DAB1: variants seen among roughly 807,000 people sequenced by gnomAD.
DAB1 encodes the protein DAB adaptor protein 1.
Under a neutral mutation model 64.6 loss-of-function variants are expected in DAB1, and 15 were observed. The observed-to-expected ratio is 0.23, with a 90% CI of 0.16 to 0.36. The LOEUF (loss-of-function observed/expected upper bound fraction) is 0.36. Among genes scored for constraint, DAB1 ranks in the 10% least tolerant of loss-of-function variants. The pLI, the probability that DAB1 is intolerant of heterozygous loss-of-function variation, is 1.00. For missense variants in DAB1, 596 were observed against 706.7 expected (o/e 0.84, Z 1.78); for synonymous variants, 235 against 251.9 (o/e 0.93, Z 0.64).
At chr1:57,541,680 G>A (rs1644805069) in intron 7 of DAB1, among the ~76,000 whole-genome samples, 1 of 152,118 alleles carries the variant, frequency 6.6e-6, no homozygotes, top group Non-Finnish European at 1.5e-5. Flanking sequence ...GACAAGATGA[G>A]GTGATATTTG....
intron 3 of DAB1, among the ~76,000 whole-genome samples, chr1:58,369,083 TG>T (rs1644241608): frequency 6.6e-6 from 1 of 152,174 alleles, no homozygotes; most frequent in African/African-American, 2.4e-5. Context: ...CCTTGCACCT[TG>T]GGTAAAATAA....
At chr1:58,157,224 T>G (rs1189794203) in intron 4 of DAB1, among the ~76,000 whole-genome samples, 1 of 152,198 alleles carries the variant, frequency 6.6e-6, no homozygotes, top group Non-Finnish European at 1.5e-5. Flanking sequence ...TAATCCATAA[T>G]GCAATCTTCA....
intron 7 of DAB1, among the ~76,000 whole-genome samples, chr1:57,583,883 G>A: frequency 6.6e-6 from 1 of 152,196 alleles, no homozygotes; most frequent in Non-Finnish European, 1.5e-5. Context: ...TAGGGGTGAA[G>A]AAGTGGGGCT....
intron 7 of DAB1, among the ~76,000 whole-genome samples, chr1:57,488,401 C>CAAAA (rs11455708): frequency 1.3e-5 from 1 of 74,112 alleles, no homozygotes; most frequent in Non-Finnish European, 2.4e-5. Flanking sequence ...GATTCCGTCT[C>CAAAA]AAAAAAAAAA....
At chr1:57,402,596 T>C (rs1056204791) in intron 1 of DAB1, among the ~76,000 whole-genome samples, 2 of 152,186 alleles carry the variant, frequency 1.3e-5, no homozygotes, top group Admixed American at 1.3e-4. Flanking sequence ...CCATCAGCTT[T>C]GATTCAGATT....
chr1:58,182,838 G>T (rs541447835), intron 4 of DAB1, among the ~76,000 whole-genome samples: 1 of 151,862 alleles, frequency 6.6e-6, no homozygotes, highest in African/African-American at 2.4e-5. Flanking sequence ...CTGAGTATGG[G>T]TCATATTTTC....
At chr1:58,359,121 T>A (rs1644139682) in intron 3 of DAB1, among the ~76,000 whole-genome samples, 1 of 152,066 alleles carries the variant, frequency 6.6e-6, no homozygotes, top group East Asian at 1.9e-4. Flanking sequence ...GCACTTTTAA[T>A]AACATGAATG....
At chr1:57,605,355 C>G (rs1385731200) in intron 7 of DAB1, among the ~76,000 whole-genome samples, 1 of 152,132 alleles carries the variant, frequency 6.6e-6, no homozygotes, top group Non-Finnish European at 1.5e-5. Flanking sequence ...AAATAAAATG[C>G]AAATCATGTT....
rs186669282 is a variant in DAB1, at chr1:57,934,563, T to C, written n.388-50401A>G. On this transcript the variant is annotated intron_variant and non_coding_transcript_variant, in intron 5 of 20. Transcript: ENST00000485760. ...CATTTATTCAGTGATCACTATGTGC[T>C]AAATACCTAGCATTTAACTTGATCT... 4.0e-3 allele frequency among the ~76,000 whole-genome samples: 616 copies of C among 152,350 alleles called. 15 individuals carry two copies. The highest frequency in any genetic ancestry group is 0.036 in the Admixed American group (547 of 15,300).
intron 1 of DAB1, among the ~76,000 whole-genome samples, chr1:57,868,062 C>T (rs1163088620): frequency 1.3e-5 from 2 of 152,162 alleles, no homozygotes; most frequent in Non-Finnish European, 2.9e-5. Context: ...AGCTCTGGTA[C>T]ACTGAAATAC....
chr1:58,223,382 C>A, intron 4 of DAB1, among the ~76,000 whole-genome samples: 1 of 152,152 alleles, frequency 6.6e-6, no homozygotes, highest in East Asian at 1.9e-4. Context: ...TGAAAGAACG[C>A]CAGCCTTGTC....
intron 4 of DAB1, among the ~76,000 whole-genome samples, chr1:58,300,633 AG>A (rs1557726183): frequency 0.015 from 961 of 64,214 alleles, 38 homozygotes; most frequent in Non-Finnish European, 0.026. Context: ...AGAGAGAGAG[AG>A]AGAGAGAGAG....
chr1:58,476,645 C>A (rs188642949), intron 3 of DAB1, among the ~76,000 whole-genome samples: 1 of 152,290 alleles, frequency 6.6e-6, no homozygotes, highest in East Asian at 1.9e-4. Context: ...AAAGAATTCT[C>A]TAGGCTCTCA....
intron 1 of DAB1, among the ~76,000 whole-genome samples, chr1:57,406,878 G>A (rs970580798): frequency 1.3e-5 from 2 of 152,182 alleles, no homozygotes; most frequent in African/African-American, 4.8e-5. Context: ...CCAAGACAAA[G>A]TCACCATCAT....
At chr1:57,283,491 A>C (rs958786551) in intron 2 of DAB1, among the ~76,000 whole-genome samples, 1 of 152,186 alleles carries the variant, frequency 6.6e-6, no homozygotes, top group Non-Finnish European at 1.5e-5. Context: ...TTTCAATGCT[A>C]GGTTTTTTAT....
intron 9 of DAB1, among the ~76,000 whole-genome samples, chr1:57,027,327 C>T (rs965840154): frequency 1.3e-5 from 2 of 152,124 alleles, no homozygotes; most frequent in Non-Finnish European, 2.9e-5. Flanking sequence ...CACAAACAAC[C>T]CAAGGGCACA....
intron 7 of DAB1, among the ~76,000 whole-genome samples, chr1:57,444,180 C>A (rs1201175530): frequency 6.6e-6 from 1 of 152,128 alleles, no homozygotes; most frequent in Non-Finnish European, 1.5e-5. Context: ...GGCACCTACT[C>A]TTATAAACTC....
intron 2 of DAB1, among the ~76,000 whole-genome samples, chr1:58,514,381 C>G (rs1646128002): frequency 6.6e-6 from 1 of 152,050 alleles, no homozygotes; most frequent in Non-Finnish European, 1.5e-5. Flanking sequence ...AGATCTAGAC[C>G]AAGTAAAAGC....
chr1:58,456,660 G>T (rs989822956), intron 3 of DAB1, among the ~76,000 whole-genome samples: 2 of 152,138 alleles, frequency 1.3e-5, no homozygotes, highest in Non-Finnish European at 1.5e-5. Context: ...GCAGAAAGAT[G>T]ATGACACAAA....
Sources: gnomAD v4.1 joint callset for allele counts (sites outside exome capture counted in the v4.1 genomes callset) on GRCh38, gnomAD v4.1.1 for gene constraint, MANE v1.5 for transcripts, NCBI Gene and HGNC (gene_info 2026-07-23, HGNC 2026-07-21) for gene names.